FGF14: variants seen among roughly 807,000 people sequenced by gnomAD.
The protein encoded by FGF14 is fibroblast growth factor 14.
FGF14 carries 5 observed loss-of-function variants against 25.5 expected under a neutral mutation model. The observed-to-expected ratio is 0.20, with a 90% CI of 0.10 to 0.41. The LOEUF (loss-of-function observed/expected upper bound fraction) is 0.41. Ranked by LOEUF, FGF14 falls within the 10% of genes least tolerant of loss-of-function variation. The pLI, the probability that FGF14 is intolerant of heterozygous loss-of-function variation, is 1.00. For synonymous variants in FGF14, 138 were observed against 118.3 expected (o/e 1.17, Z -1.08); for missense variants, 222 against 320.1 (o/e 0.69, Z 2.34).
At chr13:102,118,240 C>T (rs600668) in intron 1 of FGF14, among the ~76,000 whole-genome samples, 80,708 of 151,586 alleles carry the variant, frequency 0.53, 22,873 homozygotes, top group East Asian at 0.75. Flanking sequence ...ATTTTGACAT[C>T]ATTGTAGTTA....
Position 101,718,626 on chromosome 13 carries a change from A to T in FGF14, c.*4205T>A, listed in dbSNP as rs2034811142. ...TTCAAAAAAGTCAACTAAAGTGCTA[A>T]GTCATAAGAGGAGAGCCATTATACC... On this transcript the variant is annotated 3_prime_UTR_variant, in exon 5 of 5. Coordinates refer to ENST00000376143, the MANE Select transcript of FGF14 (RefSeq NM_004115.4). 6.6e-6 allele frequency: 1 copy of T among 152,050 alleles called. No individual in the cohort carries two copies. Among genetic ancestry groups the T allele is most frequent in the South Asian group, 2.1e-4 (1 of 4,826 alleles). The allele number at this position is 152,050 out of a possible 1,614,324, so 9.4% of individuals were successfully genotyped here. A position where few individuals can be genotyped will look rare whatever the true frequency, so the allele number is the denominator to read the frequency against.
chr13:102,136,273 G>A (rs2046405964), intron 1 of FGF14, among the ~76,000 whole-genome samples: 2 of 152,108 alleles, frequency 1.3e-5, no homozygotes, highest in South Asian at 4.2e-4. Context: ...TTAAATCTTG[G>A]AACCCTTACA....
chr13:101,883,335 C>T (rs1331647515), intron 1 of FGF14, among the ~76,000 whole-genome samples: 1 of 152,158 alleles, frequency 6.6e-6, no homozygotes, highest in Non-Finnish European at 1.5e-5. Context: ...TAGAATTCTG[C>T]AACACAGCCA....
intron 1 of FGF14, among the ~76,000 whole-genome samples, chr13:102,148,237 C>G (rs1047441388): frequency 6.6e-6 from 1 of 151,896 alleles, no homozygotes; most frequent in Non-Finnish European, 1.5e-5. Flanking sequence ...TTTTGAAACT[C>G]CAAACTAAGA....
chr13:101,907,283 T>C (rs1366222212), intron 1 of FGF14, among the ~76,000 whole-genome samples: 2 of 152,074 alleles, frequency 1.3e-5, no homozygotes, highest in Non-Finnish European at 2.9e-5. Context: ...ACTATTAGTG[T>C]TTGGCTGAAC....
intron 1 of FGF14, among the ~76,000 whole-genome samples, chr13:101,912,009 T>G (rs963032861): frequency 5.9e-4 from 89 of 152,064 alleles, no homozygotes; most frequent in Middle Eastern, 3.4e-3. Flanking sequence ...ACAGTGTTTT[T>G]TTTTTTTTTT....
intron 1 of FGF14, among the ~76,000 whole-genome samples, chr13:102,044,260 C>G (rs1053719296): frequency 6.6e-6 from 1 of 152,156 alleles, no homozygotes; most frequent in African/African-American, 2.4e-5. Context: ...GTACTCTCCT[C>G]CTCCTGGTAG....
chr13:102,004,345 C>T (rs2039667146), intron 1 of FGF14, among the ~76,000 whole-genome samples: 1 of 152,110 alleles, frequency 6.6e-6, no homozygotes, highest in Non-Finnish European at 1.5e-5. Flanking sequence ...TAGACAACAG[C>T]TGTTTCATCA....
At chr13:101,839,406 T>C (rs772356473) in intron 3 of FGF14, among the ~76,000 whole-genome samples, 6 of 152,078 alleles carry the variant, frequency 3.9e-5, no homozygotes, top group Non-Finnish European at 7.4e-5. Flanking sequence ...GAAAGACAGA[T>C]TGGGTTTGGG....
At chr13:102,378,991 G>T (rs1374740561) in intron 1 of FGF14, among the ~76,000 whole-genome samples, 1 of 152,094 alleles carries the variant, frequency 6.6e-6, no homozygotes, top group Non-Finnish European at 1.5e-5. Flanking sequence ...ATCTGTCTAG[G>T]AGTTGTACCA....
intron 1 of FGF14, among the ~76,000 whole-genome samples, chr13:101,987,273 C>T (rs1237917570): frequency 3.9e-5 from 6 of 152,248 alleles, no homozygotes. Context: ...GCCCTGCTCT[C>T]CTATCAGTCT....
intron 1 of FGF14, among the ~76,000 whole-genome samples, chr13:101,990,666 G>T (rs2038852408): frequency 6.6e-6 from 1 of 152,092 alleles, no homozygotes; most frequent in African/African-American, 2.4e-5. Flanking sequence ...GGCCTGGGCA[G>T]CAGGCTCTCT....
chr13:102,109,871 C>T (rs1251195697), intron 1 of FGF14, among the ~76,000 whole-genome samples: 1 of 152,120 alleles, frequency 6.6e-6, no homozygotes, highest in Non-Finnish European at 1.5e-5. Context: ...CTGCCTGCCT[C>T]GGCCTTCCAA....
chr13:102,014,239 A>T (rs530215549), intron 1 of FGF14, among the ~76,000 whole-genome samples: 88 of 151,290 alleles, frequency 5.8e-4, no homozygotes, highest in African/African-American at 1.8e-3. Context: ...TAATAAAATT[A>T]AAAAAAAAGA....
At chr13:102,105,634 G>C (rs1022920907) in intron 1 of FGF14, among the ~76,000 whole-genome samples, 1 of 152,212 alleles carries the variant, frequency 6.6e-6, no homozygotes, top group East Asian at 1.9e-4. Flanking sequence ...TAGCTAAGTG[G>C]GACATGAAAA....
chr13:102,352,952 G>A (rs76244313), intron 1 of FGF14, among the ~76,000 whole-genome samples: 2,237 of 151,776 alleles, frequency 0.015, 57 homozygotes, highest in African/African-American at 0.051. Flanking sequence ...TTCCCATTGC[G>A]CACCTCTGCT....
At chr13:101,976,020 C>T (rs140693158) in intron 1 of FGF14, among the ~76,000 whole-genome samples, 338 of 152,260 alleles carry the variant, frequency 2.2e-3, no homozygotes, top group Admixed American at 4.3e-3. Context: ...GGTGAAGATT[C>T]GTGTTCAGAA....
At chr13:101,877,673 A>T (rs1009450262) in intron 1 of FGF14, among the ~76,000 whole-genome samples, 2 of 152,216 alleles carry the variant, frequency 1.3e-5, no homozygotes, top group African/African-American at 4.8e-5. Flanking sequence ...TATTTTGAAG[A>T]TTAACTGCCA....
intron 1 of FGF14, among the ~76,000 whole-genome samples, chr13:101,937,526 C>A (rs2035182745): frequency 6.6e-6 from 1 of 152,200 alleles, no homozygotes; most frequent in Admixed American, 6.5e-5. Context: ...AGAAATCAAC[C>A]TTACTGACAC....
Sources: gnomAD v4.1 joint callset for allele counts (sites outside exome capture counted in the v4.1 genomes callset) on GRCh38, gnomAD v4.1.1 for gene constraint, MANE v1.5 for transcripts, NCBI Gene and HGNC (gene_info 2026-07-23, HGNC 2026-07-21) for gene names.